DOCK5: variants seen among roughly 807,000 people sequenced by gnomAD.
The protein encoded by DOCK5 is dedicator of cytokinesis 5.
DOCK5 carries 142 observed loss-of-function variants against 251.8 expected under a neutral mutation model. That is an observed-to-expected ratio of 0.56 (90% CI 0.49 to 0.65). The LOEUF (loss-of-function observed/expected upper bound fraction) is 0.65. Among genes scored for constraint, DOCK5 ranks in the 30% least tolerant of loss-of-function variants. The pLI, the probability that DOCK5 is intolerant of heterozygous loss-of-function variation, is 0.00. For synonymous variants in DOCK5, 842 were observed against 835.5 expected, an observed-to-expected ratio of 1.01 and a Z score of -0.13; for missense variants, 2,111 against 2,312.3, an observed-to-expected ratio of 0.91 and a Z score of 1.79.
intron 2 of DOCK5, among the ~76,000 whole-genome samples, chr8:25,254,943 G>A (rs1274184317): frequency 6.6e-6 from 1 of 152,066 alleles, no homozygotes; most frequent in Non-Finnish European, 1.5e-5. Context: ...TGGCATGTAA[G>A]TGTGTGAAAA....
chr8:25,200,034 A>G (rs1322696649), intron 1 of DOCK5, among the ~76,000 whole-genome samples: 1 of 152,222 alleles, frequency 6.6e-6, no homozygotes. Context: ...ATATACTTTC[A>G]ATCAGTGGAT....
At chr8:25,325,132 G>A (rs1805530184) in intron 17 of DOCK5, among the ~76,000 whole-genome samples, 1 of 152,008 alleles carries the variant, frequency 6.6e-6, no homozygotes, top group Non-Finnish European at 1.5e-5. Context: ...ACAGAGACTA[G>A]GATATTCTGG....
chr8:25,371,880 C>A (rs1224047819), intron 34 of DOCK5, among the ~76,000 whole-genome samples: 1 of 150,126 alleles, frequency 6.7e-6, no homozygotes, highest in Admixed American at 6.7e-5. Flanking sequence ...CTCTTTCCCT[C>A]TCCCTCTTTT....
chr8:25,298,888 C>T, intron 7 of DOCK5, 56 bp from the exon 8 acceptor site: 1 of 1,529,388 alleles, frequency 6.5e-7, no homozygotes, highest in South Asian at 1.3e-5. Context: ...TTATTTTTGC[C>T]AACATTTCCC....
At position 25,351,039 on chromosome 8, in the gene DOCK5, G is replaced by A. The variant is rs539765496; in HGVS notation, c.2755-692G>A. 2.0e-5 allele frequency among the ~76,000 whole-genome samples: 3 copies of A among 152,090 alleles called. No individual in the cohort carries two copies. In the East Asian group the frequency reaches 5.8e-4, roughly 29 times the overall value. On this transcript the variant is annotated intron_variant, in intron 26 of 51. Transcript: ENST00000276440. ...CCACACATGTGCCTAATTGACCTGA[G>A]CAATTCTTTTATTTTTATTTTTATT...
intron 16 of DOCK5, among the ~76,000 whole-genome samples, chr8:25,323,164 GCCT>G (rs1165450129): frequency 6.6e-6 from 1 of 152,150 alleles, no homozygotes; most frequent in African/African-American, 2.4e-5. Context: ...GAGGAGCTCT[GCCT>G]CCTCATGAAG....
chr8:25,184,900 G>A lies in DOCK5; in HGVS notation c.-9G>A. 7.1e-7 allele frequency: 1 copy of A among 1,410,480 alleles called. No homozygotes were observed. Among genetic ancestry groups the A allele is most frequent in the Non-Finnish European group, 9.3e-7 (1 of 1,073,842 alleles). The allele number at this position is 1,410,480 out of a possible 1,614,324, so 87.4% of individuals were successfully genotyped here. ...TTAGTCGCCGCCGCCGCGGGGCGAGGTCGCCGCCATGGCCCGCTGGATCCC... is the reference window on the plus strand; with the variant it reads ...TTAGTCGCCGCCGCCGCGGGGCGAGATCGCCGCCATGGCCCGCTGGATCCC... On this transcript the variant is annotated 5_prime_UTR_variant, in exon 1 of 52. Transcript: ENST00000276440.
chr8:25,346,858 T>C (rs1327440618), intron 26 of DOCK5, among the ~76,000 whole-genome samples: 1 of 150,388 alleles, frequency 6.6e-6, no homozygotes, highest in Admixed American at 6.6e-5. Context: ...GGGCTGAACC[T>C]GTCTGGATTC....
chr8:25,345,512 G>C lies in DOCK5; in HGVS notation c.2655G>C (p.Gln885His). The change falls in exon 26 of 52, where the codon CAG becomes CAC. Residue 885 changes from glutamine to histidine, a missense_variant. Around this residue, in one of 3 missense-constraint regions of DOCK5, gnomAD observed 1,717 missense variants for 1,892.4 expected, o/e 0.91. Transcript: ENST00000276440. ...REVLLPLLTD[Q>H]LSGQLDDNSN... ...TGCTGCTGCCACTGCTGACAGACCA[G>C]CTCAGCGGCCAGTTAGATGACAACT... 6.2e-7 allele frequency: 1 copy of C among 1,613,872 alleles called. No homozygotes were observed. Among genetic ancestry groups the C allele is most frequent in the Non-Finnish European group, 8.5e-7 (1 of 1,179,880 alleles).
Position 25,391,929 on chromosome 8 carries a change from A to G in DOCK5, c.4389A>G (p.Arg1463=). Reference sequence around the variant, plus strand: ...GAGCCAATGAAGTGCAGCAGTTCAGATACTCCCGGCCGTTCCGGAAAGGAG... The same window carrying G: ...GAGCCAATGAAGTGCAGCAGTTCAGGTACTCCCGGCCGTTCCGGAAAGGAG... ...YYRANEVQQF[R]YSRPFRKGEK... Residue 1463 remains arginine (R), a synonymous_variant, in exon 43 of 52, where the codon AGA becomes AGG. Transcript: ENST00000276440. 5 of 1,613,926 alleles carry G rather than the reference A, an allele frequency of 3.1e-6. No individual in the cohort carries two copies. Among genetic ancestry groups the G allele is most frequent in the Non-Finnish European group, 4.2e-6 (5 of 1,179,864 alleles).
chr8:25,345,779 G>A (rs1800355069), intron 26 of DOCK5, among the ~76,000 whole-genome samples, 168 bp downstream of exon 26: 1 of 152,120 alleles, frequency 6.6e-6, no homozygotes, highest in Admixed American at 6.5e-5. Context: ...CCAGTGCAAA[G>A]TCAGATTACT....
intron 40 of DOCK5, among the ~76,000 whole-genome samples, chr8:25,384,463 A>ATTTATTTTT (rs1400363524): frequency 1.8e-4 from 25 of 135,702 alleles, no homozygotes; most frequent in African/African-American, 6.0e-4. Context: ...TTATTTATTT[A>ATTTATTTTT]TTTTTTTTTT....
intron 37 of DOCK5, chr8:25,375,601 T>C (rs1209159040): frequency 1.2e-6 from 1 of 803,704 alleles, no homozygotes; most frequent in African/African-American, 1.9e-5. Flanking sequence ...TGTCACACCT[T>C]GAGCACTACA....
At chr8:25,345,039 A>G (rs1800332483) in intron 25 of DOCK5, among the ~76,000 whole-genome samples, 1 of 152,114 alleles carries the variant, frequency 6.6e-6, no homozygotes, top group African/African-American at 2.4e-5. Context: ...GAAGCTCAGT[A>G]TTTATAGGAA....
chr8:25,376,291 T>C, intron 37 of DOCK5: 2 of 985,300 alleles, frequency 2.0e-6, no homozygotes, highest in Non-Finnish European at 2.4e-6. Context: ...AATGCAGCTT[T>C]TTTTCCCCCC....
chr8:25,225,638 G>C (rs774108729), intron 1 of DOCK5, among the ~76,000 whole-genome samples: 1 of 151,696 alleles, frequency 6.6e-6, no homozygotes, highest in Non-Finnish European at 1.5e-5. Context: ...CCCGGGATGC[G>C]GAGCTTGCAG....
At chr8:25,400,641 C>G (rs914268721) in intron 46 of DOCK5, among the ~76,000 whole-genome samples, 10 of 152,134 alleles carry the variant, frequency 6.6e-5, no homozygotes, top group African/African-American at 2.2e-4. Context: ...AGACTTAAAC[C>G]TATCAGTTGC....
intron 11 of DOCK5, among the ~76,000 whole-genome samples, chr8:25,306,345 G>A: frequency 6.6e-6 from 1 of 152,076 alleles, no homozygotes; most frequent in East Asian, 1.9e-4. Context: ...ATAAAACACT[G>A]CATGCACATA....
intron 8 of DOCK5, among the ~76,000 whole-genome samples, chr8:25,299,652 G>A (rs944902560): frequency 6.6e-6 from 1 of 152,068 alleles, no homozygotes; most frequent in Non-Finnish European, 1.5e-5. Context: ...TATGTTATGG[G>A]ACTCTATTTT....
Sources: allele counts gnomAD v4.1 joint callset (sites outside exome capture counted in the v4.1 genomes callset), GRCh38; gene constraint gnomAD v4.1.1; regional missense constraint gnomAD v4.1.1; transcripts MANE v1.5; gene names NCBI Gene and HGNC (gene_info 2026-07-23, HGNC 2026-07-21).